Variants in ADH1A observed in about 807,000 individuals in gnomAD.
ADH1A encodes the protein alcohol dehydrogenase 1A (class I), alpha polypeptide.
ADH1A carries 29 observed loss-of-function variants against 35.2 expected under a neutral mutation model. That is an observed-to-expected ratio of 0.82 (90% CI 0.61 to 1.12). The LOEUF is 1.12. ADH1A is among the 50% of genes most tolerant of loss of function. The probability of loss-of-function intolerance (pLI) is 0.00; values close to 1 mark genes in which losing one functional copy is unlikely to be tolerated. For synonymous variants in ADH1A, 147 were observed against 164.8 expected (o/e 0.89, Z 0.83); for missense variants, 469 against 464.7 (o/e 1.01, Z -0.09).
At chr4:99,289,047 T>G (rs1468994880) in intron 1 of ADH1A, among the ~76,000 whole-genome samples, 2 of 152,176 alleles carry the variant, frequency 1.3e-5, no homozygotes, top group East Asian at 3.9e-4. Flanking sequence ...TAACTCTCTC[T>G]TATAAATGAG....
At chr4:99,284,824 T>G (rs767302371) in intron 3 of ADH1A, 21 bp from the exon 4 acceptor site, 1 of 1,600,334 alleles carries the variant, frequency 6.2e-7, no homozygotes, top group Non-Finnish European at 8.6e-7. Context: ...ATAAAACAAA[T>G]TCTTTTACAA....
chr4:99,286,976 C>CT lies in ADH1A; in HGVS notation c.132dup (p.Gly45ArgfsTer7). On this transcript the variant is annotated frameshift_variant, in exon 3 of 9. Transcript: ENST00000209668. LOFTEE classifies it high-confidence loss of function. ...ACGTGGTCATCTGTGCCACAGATTC[C>CT]TACAGCCACCATCTACAGAGTGAAG... 1.9e-6 allele frequency: 3 copies of CT among 1,613,992 alleles called. No individual in the cohort carries two copies. Among genetic ancestry groups the CT allele is most frequent in the Non-Finnish European group, 2.5e-6 (3 of 1,179,930 alleles).
At chr4:99,287,919 ATGT>A (rs1041636852) in intron 1 of ADH1A, among the ~76,000 whole-genome samples, 4 of 152,206 alleles carry the variant, frequency 2.6e-5, no homozygotes, top group Non-Finnish European at 2.9e-5. Context: ...GGCCATCCTT[ATGT>A]TGTTGTTGTT....
chr4:99,282,542 C>G lies in ADH1A; in HGVS notation c.632G>C (p.Gly211Ala). The change falls in exon 6 of 9, where the codon GGC becomes GCC. Residue 211 changes from glycine (G) to alanine (A), a missense_variant. Coordinates refer to ENST00000209668, the MANE Select transcript of ADH1A (RefSeq NM_000667.4). ...TCTGGCTGCCCCAGCTGCTTTACAG[C>G]CCATAATAGCAGATAGGCCGACCCC... ...LGGVGLSAIMGCKAAGAARII... is the reference protein window; with the variant it reads ...LGGVGLSAIMACKAAGAARII... The G allele has an allele frequency of 6.2e-7, 1 of 1,614,170 alleles. No individual in the cohort carries two copies. The highest frequency in any genetic ancestry group is 8.5e-7 in the Non-Finnish European group (1 of 1,180,018).
In ADH1A at chr4:99,282,329, C is replaced by T. The variant is rs1276199306; in HGVS notation, c.828+17G>A. The T allele has an allele frequency of 8.1e-6, 13 of 1,614,062 alleles. No individual in the cohort carries two copies. Among genetic ancestry groups the T allele is most frequent in the Non-Finnish European group, 1.1e-5 (13 of 1,180,020 alleles). On this transcript the variant is annotated intron_variant, in intron 6 of 8. Coordinates refer to ENST00000209668, the MANE Select transcript of ADH1A (RefSeq NM_000667.4). ...AGTTGTAGAGGCAGAAATCTCAGGG[C>T]ATGTCATGGTACATACCATGGTGTC... is the stretch of plus-strand genomic sequence containing the variant.
chr4:99,282,726 T>C, intron 5 of ADH1A, 120 bp from the exon 6 acceptor site: 1 of 1,454,264 alleles, frequency 6.9e-7, no homozygotes, highest in Non-Finnish European at 9.2e-7. Flanking sequence ...TCTTTTGGCT[T>C]CAGTTGCTTT....
At chr4:99,285,916 G>C (rs1184570345) in intron 3 of ADH1A, among the ~76,000 whole-genome samples, 2 of 151,188 alleles carry the variant, frequency 1.3e-5, no homozygotes, top group Non-Finnish European at 2.9e-5. Flanking sequence ...CAGATACCCG[G>C]TAGGCTGAGG....
At chr4:99,279,169 T>A (rs1732935389) in intron 8 of ADH1A, among the ~76,000 whole-genome samples, 1 of 152,044 alleles carries the variant, frequency 6.6e-6, no homozygotes, top group Admixed American at 6.6e-5. Context: ...TAAAGAAGGC[T>A]GAGTGTCTCT....
chr4:99,276,496 G>A lies in ADH1A; in HGVS notation c.*128C>T. The A allele has an allele frequency of 1.2e-6, 1 of 825,184 alleles. No individual in the cohort carries two copies. Among genetic ancestry groups the A allele is most frequent in the Non-Finnish European group, 2.0e-6 (1 of 499,390 alleles). 51.1% of individuals were successfully genotyped at this position (825,184 alleles called of 1,614,324 possible). A position where few individuals can be genotyped will look rare whatever the true frequency, so the allele number is the denominator to read the frequency against. On this transcript the variant is annotated 3_prime_UTR_variant, in exon 9 of 9. Coordinates refer to ENST00000209668, the MANE Select transcript of ADH1A (RefSeq NM_000667.4). Reference sequence around the variant, plus strand: ...ACATCAATTTCCATTTCTTTGGAAAGCCCCCAAATGTAATTTATTGATAAA... The same window carrying A: ...ACATCAATTTCCATTTCTTTGGAAAACCCCCAAATGTAATTTATTGATAAA...
At chr4:99,289,779 G>A (rs934909311) in intron 1 of ADH1A, among the ~76,000 whole-genome samples, 1 of 152,100 alleles carries the variant, frequency 6.6e-6, no homozygotes, top group Admixed American at 6.6e-5. Flanking sequence ...TTATACTTTT[G>A]CTGTAGGAAC....
rs762983290 is a variant in ADH1A at position 99,280,166 on chromosome 4, G to A, written c.942C>T (p.Thr314=). The change falls in exon 7 of 9, where the codon ACC becomes ACT. Residue 314 remains threonine (T), a synonymous_variant. Coordinates refer to ENST00000209668, the MANE Select transcript of ADH1A (RefSeq NM_000667.4). The part of the protein sequence containing the change: ...MNPMLLLTGR[T]WKGAILGGFK... ...TACCACCAAGAATAGCTCCCTTCCA[G>A]GTACGTCCAGTCAGTAGCAGCATAG... 6.2e-7 allele frequency: 1 copy of A among 1,613,820 alleles called. No homozygotes were observed. The highest frequency in any genetic ancestry group is 1.7e-5 in the Admixed American group (1 of 59,982).
chr4:99,286,017 G>A lies in ADH1A; in HGVS notation c.259+833C>T, dbSNP rs984360931. ...AGCCTGGGCGACAGAGCGAGACTCC[G>A]TCTCAAAAAAAAAAAAAAAAAAAAG... On this transcript the variant is annotated intron_variant, in intron 3 of 8. Coordinates refer to ENST00000209668, the MANE Select transcript of ADH1A (RefSeq NM_000667.4). 1.2e-4 allele frequency among the ~76,000 whole-genome samples: 6 copies of A among 51,076 alleles called. No homozygotes were observed. In the Admixed American group the frequency reaches 1.3e-3, roughly 11 times the overall value. 33.5% of individuals were successfully genotyped at this position (51,076 alleles called of 152,430 possible). A position where few individuals can be genotyped will look rare whatever the true frequency, so the allele number is the denominator to read the frequency against.
chr4:99,277,863 G>A (rs906926019), intron 8 of ADH1A, among the ~76,000 whole-genome samples: 4 of 151,976 alleles, frequency 2.6e-5, no homozygotes, highest in African/African-American at 7.3e-5. Flanking sequence ...AAACACATAT[G>A]TGTGTTTGAA....
At chr4:99,276,743 C>G (rs971874677) in intron 8 of ADH1A, 95 bp from the exon 9 acceptor site, 1 of 1,195,562 alleles carries the variant, frequency 8.4e-7, no homozygotes, top group Non-Finnish European at 1.2e-6. Flanking sequence ...GAAAATCTGT[C>G]TGTTCTCAGC....
chr4:99,280,756 CT>C (rs1732984109), intron 6 of ADH1A, among the ~76,000 whole-genome samples: 1 of 152,052 alleles, frequency 6.6e-6, no homozygotes, highest in South Asian at 2.1e-4. Flanking sequence ...TGATGGTCTC[CT>C]TTTGTAATGG....
chr4:99,288,963 C>G lies in ADH1A; in HGVS notation c.19-1298G>C, dbSNP rs28364298. Among the ~76,000 whole-genome samples, 709 of 152,122 alleles carry G rather than the reference C, an allele frequency of 4.7e-3. 15 individuals carry two copies. Among genetic ancestry groups the G allele is most frequent in the East Asian group, 0.013 (65 of 5,172 alleles). On this transcript the variant is annotated intron_variant, in intron 1 of 8. Transcript: ENST00000209668. ...CAATATGTAGTCTTTTATCCCTCAC[C>G]TCCCCTTTCAACCTTCCCCCTCGAG...
chr4:99,284,703 A>G lies in ADH1A; in HGVS notation c.347+13T>C, dbSNP rs1403660694. 6.2e-7 allele frequency: 1 copy of G among 1,614,082 alleles called. No homozygotes were observed. The highest frequency in any genetic ancestry group is 1.7e-5 in the Admixed American group (1 of 60,034). On this transcript the variant is annotated intron_variant, in intron 4 of 8. Transcript: ENST00000209668. ...AACTCAATGTCTGCGCAGGGAGAGCATCAGAAACCTACTCGTTTTTCAAGC... is the reference window on the plus strand; with the variant it reads ...AACTCAATGTCTGCGCAGGGAGAGCGTCAGAAACCTACTCGTTTTTCAAGC...
chr4:99,279,446 G>T lies in ADH1A; in HGVS notation c.1083C>A (p.Asp361Glu), dbSNP rs750683142. The change falls in exon 8 of 9, where the codon GAC (aspartate) becomes GAA (glutamate). Residue 361 changes from aspartate (D) to glutamate (E), a missense_variant. Physicochemically the swap from Asp to Glu is conservative, Grantham distance 45. Coordinates refer to ENST00000209668, the MANE Select transcript of ADH1A (RefSeq NM_000667.4). The part of the protein sequence containing the change: ...LPFEKINEGF[D>E]LLHSGKSIRT... ...TCTACCTTTTCCCAGAGTGAAGCAG[G>T]TCAAATCCTTCATTTATTTTTTCAA... 1 of 1,606,888 alleles carries T rather than the reference G, an allele frequency of 6.2e-7. No individual in the cohort carries two copies. The highest frequency in any genetic ancestry group is 1.7e-5 in the Admixed American group (1 of 58,684).
chr4:99,286,726 G>C, intron 3 of ADH1A, 124 bp downstream of exon 3: 1 of 1,487,074 alleles, frequency 6.7e-7, no homozygotes, highest in South Asian at 1.3e-5. Context: ...GGAAATCCCT[G>C]AAGTCCTGGC....
Sources: gnomAD v4.1 joint callset for allele counts (sites outside exome capture counted in the v4.1 genomes callset) on GRCh38, gnomAD v4.1.1 for gene constraint, MANE v1.5 for transcripts, NCBI Gene and HGNC (gene_info 2026-07-23, HGNC 2026-07-21) for gene names.